ZNF862: variants seen among roughly 807,000 people sequenced by gnomAD.
ZNF862 encodes zinc finger protein 862.
In ZNF862, 64 loss-of-function variants were observed where a neutral mutation model predicts 91.1. The observed-to-expected ratio is 0.70, with a 90% CI of 0.57 to 0.87. ZNF862 has a LOEUF of 0.87. Among genes scored for constraint, ZNF862 ranks in the 40% least tolerant of loss-of-function variants. ZNF862 has a pLI of 0.00. For synonymous variants in ZNF862, 631 were observed against 618.1 expected (o/e 1.02, Z -0.31); for missense variants, 1,459 against 1,528.0 (o/e 0.95, Z 0.75).
rs1284339245 is a variant in ZNF862 at position 149,860,384 on chromosome 7, G to A, written c.1224G>A (p.Gly408=). 6.2e-7 allele frequency: 1 copy of A among 1,606,336 alleles called. No homozygotes were observed. Among genetic ancestry groups the A allele is most frequent in the Admixed American group, 1.7e-5 (1 of 59,110 alleles). ...AGCATGATTCAATTTTCTCCAAAGG[G>A]AACAAGAAGATGGTGGCAGTGAGAG... ...GPKWGKGRPP[G]NKKMVAVREA... Residue 408 remains glycine, a splice_region_variant and synonymous_variant, in exon 7 of 8, where the codon GGG becomes GGA. Transcript: ENST00000223210.
At position 149,860,779 on chromosome 7, in the gene ZNF862, A is replaced by C. The variant is rs1802445936; in HGVS notation, c.1619A>C (p.His540Pro). 6.2e-7 allele frequency: 1 copy of C among 1,613,764 alleles called. No homozygotes were observed. The highest frequency in any genetic ancestry group is 1.3e-5 in the African/African-American group (1 of 74,914). ...NTVEIKEDTP[H>P]TALVPEISSD... Reference sequence around the variant, plus strand: ...GTTGAAATCAAGGAAGACACCCCTCACACTGCCCTCGTTCCAGAGATCTCC... The same window carrying C: ...GTTGAAATCAAGGAAGACACCCCTCCCACTGCCCTCGTTCCAGAGATCTCC... The change falls in exon 7 of 8, where the codon CAC (histidine) becomes CCC (proline). Residue 540 changes from histidine to proline, a missense_variant. Transcript: ENST00000223210.
intron 1 of ZNF862, among the ~76,000 whole-genome samples, chr7:149,843,068 A>G (rs1801759602): frequency 6.6e-6 from 1 of 152,256 alleles, no homozygotes; most frequent in Non-Finnish European, 1.5e-5. Context: ...TTCTCAGGAA[A>G]GAAGGGTAAT....
At chr7:149,849,456 G>T (rs1801988121) in intron 4 of ZNF862, among the ~76,000 whole-genome samples, 2 of 152,200 alleles carry the variant, frequency 1.3e-5, no homozygotes, top group Admixed American at 1.3e-4. Context: ...ACGTTCATTG[G>T]AAGCTTCCCC....
chr7:149,843,855 G>A (rs544445554), intron 1 of ZNF862, among the ~76,000 whole-genome samples: 3 of 152,232 alleles, frequency 2.0e-5, no homozygotes, highest in Admixed American at 2.0e-4. Flanking sequence ...TGAGGATGCA[G>A]AGTGTACCTT....
rs924259305 is a variant in ZNF862 at position 149,867,338 on chromosome 7, T to G, written c.*3054T>G. ...TGGAGGGGCGGGTCCCTCATACAGG[T>G]GTGTGCTTAGCCAAATACAGTAACT... On this transcript the variant is annotated 3_prime_UTR_variant, in exon 8 of 8. Coordinates refer to ENST00000223210, the MANE Select transcript of ZNF862 (RefSeq NM_001099220.3). 6.6e-6 allele frequency: 1 copy of G among 151,936 alleles called. No individual in the cohort carries two copies. Among genetic ancestry groups the G allele is most frequent in the East Asian group, 1.9e-4 (1 of 5,176 alleles). 9.4% of individuals were successfully genotyped at this position (151,936 alleles called of 1,614,324 possible). A position where few individuals can be genotyped will look rare whatever the true frequency, so the allele number is the denominator to read the frequency against.
intron 1 of ZNF862, among the ~76,000 whole-genome samples, chr7:149,840,365 A>G (rs772075457): frequency 6.6e-6 from 1 of 152,164 alleles, no homozygotes. Context: ...AAGTGTTATT[A>G]CAAAAGAGTC....
In ZNF862 at chr7:149,838,522, G is replaced by A. The variant is rs933161404; in HGVS notation, c.-90G>A. On this transcript the variant is annotated 5_prime_UTR_variant, in exon 1 of 8. Coordinates refer to ENST00000223210, the MANE Select transcript of ZNF862 (RefSeq NM_001099220.3). ...CTACCTGGGTGCCCTCCCCCTCCGGGAGCCTGGGTCCCCGGGGCGGTCGCG... is the reference window on the plus strand; with the variant it reads ...CTACCTGGGTGCCCTCCCCCTCCGGAAGCCTGGGTCCCCGGGGCGGTCGCG... The A allele has an allele frequency of 1.1e-6, 1 of 936,000 alleles. No homozygotes were observed. The highest frequency in any genetic ancestry group is 1.7e-5 in the African/African-American group (1 of 59,152). 58.0% of individuals were successfully genotyped at this position (936,000 alleles called of 1,614,324 possible).
In ZNF862 at chr7:149,847,746, A is replaced by G. The variant is rs1041120166; in HGVS notation, c.253A>G (p.Met85Val). 2.5e-6 allele frequency: 4 copies of G among 1,606,422 alleles called. No homozygotes were observed. Among genetic ancestry groups the G allele is most frequent in the Non-Finnish European group, 3.4e-6 (4 of 1,177,044 alleles). ...TCTCTTCTCTAAAGGAAAAAAACAGATGGGCTACATGGGAGAAATGGAGGT... is the reference window on the plus strand; with the variant it reads ...TCTCTTCTCTAAAGGAAAAAAACAGGTGGGCTACATGGGAGAAATGGAGGT... ...LLEHHPGKKQ[M>V]GYMGEMEVQG... Residue 85 changes from methionine to valine, a missense_variant, in exon 4 of 8, where the codon ATG (methionine) becomes GTG (valine). Transcript: ENST00000223210.
intron 5 of ZNF862, among the ~76,000 whole-genome samples, chr7:149,853,410 C>T (rs1802137163): frequency 6.6e-6 from 1 of 152,168 alleles, no homozygotes; most frequent in Non-Finnish European, 1.5e-5. Flanking sequence ...ATTACTAAGT[C>T]ATAGAAAACG....
chr7:149,860,340 G>A (rs1373809496), intron 6 of ZNF862, 43 bp from the exon 7 acceptor site: 5 of 1,561,516 alleles, frequency 3.2e-6, no homozygotes, highest in Admixed American at 1.8e-5. Flanking sequence ...AGATGGCAGA[G>A]TTCTGGGTAG....
In ZNF862 at chr7:149,858,640, A is replaced by G. The variant is rs1023291478; in HGVS notation, c.1118-782A>G. Reference sequence around the variant, plus strand: ...ACACACACAAAAGCATGATGTAGATAGTGATGGATTTTATTTTCAATAGAG... The same window carrying G: ...ACACACACAAAAGCATGATGTAGATGGTGATGGATTTTATTTTCAATAGAG... On this transcript the variant is annotated intron_variant, in intron 5 of 7. Transcript: ENST00000223210. 3 of 152,274 alleles carry G rather than the reference A, an allele frequency of 2.0e-5. 1 individual carries two copies. The highest frequency in any genetic ancestry group is 7.2e-5 in the African/African-American group (3 of 41,458). 9.4% of individuals were successfully genotyped at this position (152,274 alleles called of 1,614,324 possible). A position where few individuals can be genotyped will look rare whatever the true frequency, so the allele number is the denominator to read the frequency against.
intron 5 of ZNF862, among the ~76,000 whole-genome samples, chr7:149,853,963 C>G (rs1312467511): frequency 6.6e-6 from 1 of 150,890 alleles, no homozygotes; most frequent in Non-Finnish European, 1.5e-5. Context: ...AGAAAAATGA[C>G]AGTCCCCTGT....
chr7:149,847,352 T>C (rs928670457), intron 3 of ZNF862, among the ~76,000 whole-genome samples: 1 of 152,230 alleles, frequency 6.6e-6, no homozygotes, highest in African/African-American at 2.4e-5. Context: ...TTTAGTGATC[T>C]TTTTTAAATC....
At chr7:149,841,262 A>G (rs1801693904) in intron 1 of ZNF862, 4 of 985,426 alleles carry the variant, frequency 4.1e-6, no homozygotes, top group Non-Finnish European at 4.8e-6. Context: ...GTCTATTACT[A>G]GACTCTTCCT....
rs531935736 is a variant in ZNF862, at chr7:149,864,970, C to T, written c.*686C>T. The T allele has an allele frequency of 5.9e-5, 9 of 152,410 alleles. No individual in the cohort carries two copies. The highest frequency in any genetic ancestry group is 2.1e-4 in the South Asian group (1 of 4,828). 9.4% of individuals were successfully genotyped at this position (152,410 alleles called of 1,614,324 possible). Reference sequence around the variant, plus strand: ...TGGTGCTTCCCGGAGAGCCGAGCCGCGTTTAACCCGTGGCATGCCCGGCCC... The same window carrying T: ...TGGTGCTTCCCGGAGAGCCGAGCCGTGTTTAACCCGTGGCATGCCCGGCCC... On this transcript the variant is annotated 3_prime_UTR_variant, in exon 8 of 8. Transcript: ENST00000223210.
chr7:149,848,520 A>T (rs1586048801), intron 4 of ZNF862, 88 bp downstream of exon 4: 1 of 1,103,594 alleles, frequency 9.1e-7, no homozygotes, highest in East Asian at 2.6e-5. Context: ...TGGAAAAAAG[A>T]ATACTAGTGA....
chr7:149,839,592 C>T (rs562403605), intron 1 of ZNF862, among the ~76,000 whole-genome samples: 5 of 152,230 alleles, frequency 3.3e-5, no homozygotes, highest in East Asian at 1.9e-4. Context: ...TTGTCCCACA[C>T]GAAAAGAGAG....
At chr7:149,838,932 C>T (rs541830965) in intron 1 of ZNF862, among the ~76,000 whole-genome samples, 10 of 152,302 alleles carry the variant, frequency 6.6e-5, no homozygotes, top group African/African-American at 2.2e-4. Context: ...TTCCTGTTTT[C>T]CCCACCACCT....
chr7:149,859,193 G>A lies in ZNF862; in HGVS notation c.1118-229G>A, dbSNP rs561906205. 6 of 580,292 alleles carry A rather than the reference G, an allele frequency of 1.0e-5. No homozygotes were observed. The East Asian group carries it at 1.7e-4, about 17-fold the overall frequency. 35.9% of individuals were successfully genotyped at this position (580,292 alleles called of 1,614,324 possible). ...CCACCCTTCCCCCTCTGGTGTGTAT[G>A]GCTGGCCCATGGATCTGAGGAAGCC... On this transcript the variant is annotated intron_variant, in intron 5 of 7. Transcript: ENST00000223210.
Sources: allele counts gnomAD v4.1 joint callset (sites outside exome capture counted in the v4.1 genomes callset), GRCh38; gene constraint gnomAD v4.1.1; transcripts MANE v1.5; gene names NCBI Gene and HGNC (gene_info 2026-07-23, HGNC 2026-07-21).